FARS2: variants seen among roughly 807,000 people sequenced by gnomAD.
FARS2 encodes the protein phenylalanine--tRNA ligase, mitochondrial.
FARS2 carries 40 observed loss-of-function variants against 46.4 expected under a neutral mutation model. The ratio of observed to expected loss-of-function variants is 0.86; its 90% CI spans 0.67 to 1.12. The LOEUF is 1.12. FARS2 is among the 50% of genes most tolerant of loss of function. The pLI is 0.00. For missense variants in FARS2, 513 were observed against 567.9 expected (o/e 0.90, Z 0.98); for synonymous variants, 234 against 214.9 (o/e 1.09, Z -0.78).
intron 6 of FARS2, among the ~76,000 whole-genome samples, chr6:5,682,189 G>C (rs1011446675): frequency 2.6e-5 from 4 of 152,004 alleles, no homozygotes; most frequent in African/African-American, 9.7e-5. Context: ...ACAATAACTA[G>C]GTTGCAGCAT....
intron 5 of FARS2, among the ~76,000 whole-genome samples, chr6:5,605,614 C>T (rs1380422867): frequency 6.6e-6 from 1 of 152,186 alleles, no homozygotes; most frequent in Non-Finnish European, 1.5e-5. Flanking sequence ...ACAATTATCT[C>T]CCATGCAGGC....
intron 6 of FARS2, among the ~76,000 whole-genome samples, chr6:5,687,527 C>A (rs1269813970): frequency 2.0e-5 from 3 of 152,122 alleles, no homozygotes; most frequent in Non-Finnish European, 4.4e-5. Flanking sequence ...GGCATTATTT[C>A]TGAGGGCTCT....
chr6:5,359,133 G>A (rs1176314837), intron 1 of FARS2, among the ~76,000 whole-genome samples: 1 of 140,662 alleles, frequency 7.1e-6, no homozygotes, highest in Non-Finnish European at 1.5e-5. Context: ...TCCGCCTCCC[G>A]GGTTCAAGCT....
chr6:5,270,839 C>T (rs1267422365), intron 1 of FARS2, among the ~76,000 whole-genome samples: 1 of 152,204 alleles, frequency 6.6e-6, no homozygotes. Context: ...TCTTTCCCCT[C>T]TACCCTGGGG....
chr6:5,562,812 T>C (rs1184284981), intron 5 of FARS2, among the ~76,000 whole-genome samples: 22 of 150,638 alleles, frequency 1.5e-4, no homozygotes, highest in African/African-American at 3.7e-4. Flanking sequence ...TTTTCTTTTT[T>C]TTTTTTTTTT....
At chr6:5,616,583 A>T (rs1010550304) in intron 6 of FARS2, among the ~76,000 whole-genome samples, 2 of 152,222 alleles carry the variant, frequency 1.3e-5, no homozygotes, top group Non-Finnish European at 2.9e-5. Flanking sequence ...AATTTCTTTC[A>T]TATATACCTT....
At chr6:5,687,576 A>G (rs9405278) in intron 6 of FARS2, among the ~76,000 whole-genome samples, 75,762 of 151,986 alleles carry the variant, frequency 0.5, 19,338 homozygotes, top group African/African-American at 0.56. Flanking sequence ...TTTGGTACCA[A>G]TACCATGCTG....
chr6:5,704,971 G>A (rs1204995169), intron 6 of FARS2, among the ~76,000 whole-genome samples: 2 of 152,216 alleles, frequency 1.3e-5, no homozygotes, highest in Admixed American at 1.3e-4. Context: ...TTGTGTACAT[G>A]TTGATGTGCT....
intron 1 of FARS2, among the ~76,000 whole-genome samples, chr6:5,365,595 T>C (rs1758623704): frequency 6.6e-6 from 1 of 150,482 alleles, no homozygotes; most frequent in Admixed American, 6.6e-5. Flanking sequence ...CAAGTGATCC[T>C]TTCGCCTTGG....
At position 5,319,457 on chromosome 6, in the gene FARS2, C is replaced by T. The variant is rs538142396; in HGVS notation, c.-21-49093C>T. Reference sequence around the variant, plus strand: ...CCTCCCAAGTGCCGGCAGGCCACTGCGTTTGCAGACAGCCCACTCCAAGGA... The same window carrying T: ...CCTCCCAAGTGCCGGCAGGCCACTGTGTTTGCAGACAGCCCACTCCAAGGA... On this transcript the variant is annotated intron_variant, in intron 1 of 6. Transcript: ENST00000274680. 6.6e-5 allele frequency among the ~76,000 whole-genome samples: 10 copies of T among 152,346 alleles called. No homozygotes were observed. In the South Asian group the frequency reaches 2.1e-3, roughly 32 times the overall value.
At chr6:5,261,700 G>A (rs1421675219) in intron 1 of FARS2, 40 bp downstream of exon 1, 1 of 152,416 alleles carries the variant, frequency 6.6e-6, no homozygotes, top group African/African-American at 2.4e-5. Flanking sequence ...TACGACGTGG[G>A]CGGTTGGTGT....
At chr6:5,399,973 T>G (rs1276786636) in intron 2 of FARS2, among the ~76,000 whole-genome samples, 1 of 152,172 alleles carries the variant, frequency 6.6e-6, no homozygotes. Context: ...ATTTTCAGGG[T>G]AAGTAGTTAG....
intron 6 of FARS2, among the ~76,000 whole-genome samples, chr6:5,700,123 T>C (rs910368446): frequency 3.9e-5 from 6 of 152,236 alleles, no homozygotes; most frequent in South Asian, 4.1e-4. Context: ...CTAGGATGAC[T>C]GCATCTAAAT....
intron 6 of FARS2, among the ~76,000 whole-genome samples, chr6:5,613,714 C>A (rs999489931): frequency 6.6e-6 from 1 of 152,124 alleles, no homozygotes; most frequent in African/African-American, 2.4e-5. Context: ...TTACCACACG[C>A]CAAGATCTAT....
chr6:5,534,015 A>G (rs908080107), intron 4 of FARS2, among the ~76,000 whole-genome samples: 1 of 152,218 alleles, frequency 6.6e-6, no homozygotes, highest in African/African-American at 2.4e-5. Context: ...GAGCCAAATC[A>G]TACACTGTTC....
At chr6:5,585,158 G>T (rs1180562524) in intron 5 of FARS2, among the ~76,000 whole-genome samples, 2 of 151,968 alleles carry the variant, frequency 1.3e-5, no homozygotes, top group South Asian at 2.1e-4. Flanking sequence ...TTTCTATTTT[G>T]CTGGTTTTTA....
At chr6:5,560,602 A>G (rs949471472) in intron 5 of FARS2, among the ~76,000 whole-genome samples, 2 of 151,968 alleles carry the variant, frequency 1.3e-5, no homozygotes, top group Non-Finnish European at 2.9e-5. Flanking sequence ...AAGTATTTCC[A>G]TTTTCTAGCC....
chr6:5,318,608 G>A (rs1447832604), intron 1 of FARS2, among the ~76,000 whole-genome samples: 1 of 152,134 alleles, frequency 6.6e-6, no homozygotes, highest in Admixed American at 6.5e-5. Context: ...CAAAAGCAGA[G>A]ATTTATTTTA....
At chr6:5,349,643 T>C (rs1433385750) in intron 1 of FARS2, among the ~76,000 whole-genome samples, 1 of 152,172 alleles carries the variant, frequency 6.6e-6, no homozygotes, top group Non-Finnish European at 1.5e-5. Flanking sequence ...ATTGTTACAT[T>C]ATTAACGAAA....
Sources: gnomAD v4.1 joint callset for allele counts (sites outside exome capture counted in the v4.1 genomes callset) on GRCh38, gnomAD v4.1.1 for gene constraint, MANE v1.5 for transcripts, NCBI Gene and HGNC (gene_info 2026-07-23, HGNC 2026-07-21) for gene names.